Variants in NRG1 observed in about 807,000 individuals in gnomAD.
NRG1 encodes neuregulin 1.
NRG1 carries 18 observed loss-of-function variants against 63.8 expected under a neutral mutation model. The ratio of observed to expected loss-of-function variants is 0.28; its 90% CI spans 0.19 to 0.42. The LOEUF (loss-of-function observed/expected upper bound fraction) is 0.42, where lower values mean the gene tolerates loss of function less well. NRG1 is among the 10% of genes least tolerant of loss of function. The pLI is 1.00. For synonymous variants in NRG1, 302 were observed against 301.3 expected (o/e 1.00, Z -0.02); for missense variants, 762 against 814.7 (o/e 0.94, Z 0.79).
intron 1 of NRG1, among the ~76,000 whole-genome samples, chr8:31,943,443 C>G (rs1474390305): frequency 2.6e-5 from 4 of 152,044 alleles, no homozygotes; most frequent in Admixed American, 6.6e-5. Flanking sequence ...GTACACTGCT[C>G]TGGTGATGGC....
intron 5 of NRG1, among the ~76,000 whole-genome samples, chr8:32,630,687 C>T (rs1204709584): frequency 7.0e-6 from 1 of 142,120 alleles, no homozygotes; most frequent in Non-Finnish European, 1.5e-5. Context: ...GTTAAGTTTT[C>T]TTTTTTCTAT....
chr8:31,934,098 G>T (rs1260469835), intron 1 of NRG1, among the ~76,000 whole-genome samples: 1 of 151,884 alleles, frequency 6.6e-6, no homozygotes, highest in African/African-American at 2.4e-5. Flanking sequence ...TATGTGTGTG[G>T]GTACCTTCAT....
intron 1 of NRG1, among the ~76,000 whole-genome samples, chr8:32,360,942 C>T (rs1807124450): frequency 1.3e-5 from 2 of 152,140 alleles, no homozygotes; most frequent in African/African-American, 4.8e-5. Context: ...CTGCCGTGTA[C>T]ACAAGAACCA....
chr8:32,100,821 G>A (rs1199339624), intron 1 of NRG1, among the ~76,000 whole-genome samples: 4 of 152,254 alleles, frequency 2.6e-5, no homozygotes, highest in South Asian at 2.1e-4. Flanking sequence ...TTGGTTGTTC[G>A]TGATATCTGA....
At chr8:32,711,611 A>G (rs1341778186) in intron 5 of NRG1, among the ~76,000 whole-genome samples, 1 of 152,208 alleles carries the variant, frequency 6.6e-6, no homozygotes, top group Non-Finnish European at 1.5e-5. Context: ...TTGTTGTGCT[A>G]TAAAGAGGAA....
intron 2 of NRG1, among the ~76,000 whole-genome samples, chr8:32,600,720 A>G (rs571745028): frequency 6.6e-6 from 1 of 152,296 alleles, no homozygotes; most frequent in East Asian, 1.9e-4. Flanking sequence ...TGTAATTACT[A>G]TAATAATAGC....
intron 1 of NRG1, among the ~76,000 whole-genome samples, chr8:31,675,390 C>T (rs1359157858): frequency 1.3e-5 from 2 of 152,142 alleles, no homozygotes; most frequent in African/African-American, 4.8e-5. Flanking sequence ...AACATACTGG[C>T]TGCAGTGTCC....
chr8:31,706,560 C>G (rs1003882211), intron 1 of NRG1, among the ~76,000 whole-genome samples: 28 of 151,856 alleles, frequency 1.8e-4, no homozygotes, highest in African/African-American at 6.5e-4. Flanking sequence ...GGATAATTTC[C>G]CAGTATTGGA....
At chr8:31,904,415 T>C (rs140384160) in intron 1 of NRG1, among the ~76,000 whole-genome samples, 1 of 152,314 alleles carries the variant, frequency 6.6e-6, no homozygotes, top group African/African-American at 2.4e-5. Flanking sequence ...AGGCTACAGA[T>C]AAAAGAGCAT....
intron 1 of NRG1, among the ~76,000 whole-genome samples, chr8:32,383,136 G>C (rs963338961): frequency 6.6e-6 from 1 of 152,100 alleles, no homozygotes; most frequent in African/African-American, 2.4e-5. Context: ...TGAGGTGGAA[G>C]GATTCCTTGA....
chr8:32,385,754 C>A (rs1810938735), intron 1 of NRG1, among the ~76,000 whole-genome samples: 1 of 152,098 alleles, frequency 6.6e-6, no homozygotes, highest in African/African-American at 2.4e-5. Flanking sequence ...CTGGGAATTA[C>A]AATAGAACAT....
intron 1 of NRG1, among the ~76,000 whole-genome samples, chr8:32,293,109 T>C (rs183529086): frequency 0.011 from 1,742 of 151,544 alleles, 19 homozygotes; most frequent in Non-Finnish European, 0.019. Context: ...GTCTAAAATA[T>C]AAAATAAAAT....
intron 1 of NRG1, among the ~76,000 whole-genome samples, chr8:32,055,123 C>T (rs1193529531): frequency 1.3e-5 from 2 of 151,812 alleles, no homozygotes; most frequent in East Asian, 1.9e-4. Flanking sequence ...CTCCTGACCT[C>T]AGGTGATCCG....
chr8:31,838,808 A>G lies in NRG1; in HGVS notation c.37+199377A>G, dbSNP rs576861987. Among the ~76,000 whole-genome samples, 26 of 152,220 alleles carry G rather than the reference A, an allele frequency of 1.7e-4. No individual in the cohort carries two copies. The South Asian group carries it at 4.3e-3, about 25-fold the overall frequency. On this transcript the variant is annotated intron_variant, in intron 1 of 10. Coordinates refer to the NRG1 transcript ENST00000519301. ...AAATATTTTAGCAATTGGTTATTTT[A>G]TGTTTTCCAAAGACCTAAATATAAA...
chr8:32,514,114 T>G (rs1829535481), intron 1 of NRG1, among the ~76,000 whole-genome samples: 1 of 152,212 alleles, frequency 6.6e-6, no homozygotes, highest in Non-Finnish European at 1.5e-5. Context: ...TGCCAAGACT[T>G]GTCTGCAAAT....
chr8:32,001,072 A>G (rs1244734828), intron 1 of NRG1, among the ~76,000 whole-genome samples: 1 of 152,040 alleles, frequency 6.6e-6, no homozygotes, highest in Admixed American at 6.6e-5. Context: ...TCCCTCTACC[A>G]TGTTCCCCCT....
intron 3 of NRG1, among the ~76,000 whole-genome samples, chr8:32,609,598 C>CCTTCCTTCCTTT (rs1845978139): frequency 7.5e-6 from 1 of 133,762 alleles, no homozygotes; most frequent in Non-Finnish European, 1.6e-5. Context: ...TTCCTTCCTT[C>CCTTCCTTCCTTT]CTTCCTTCCT....
intron 1 of NRG1, among the ~76,000 whole-genome samples, chr8:31,943,069 A>T (rs1174659954): frequency 1.3e-5 from 2 of 152,088 alleles, no homozygotes; most frequent in Admixed American, 1.3e-4. Context: ...ACTTGCACAT[A>T]TACCTGTATA....
intron 1 of NRG1, among the ~76,000 whole-genome samples, chr8:32,080,234 T>C (rs956723307): frequency 4.6e-5 from 7 of 152,180 alleles, no homozygotes; most frequent in Non-Finnish European, 8.8e-5. Flanking sequence ...TCATATTTTA[T>C]TTTAGGATTC....
Sources: gnomAD v4.1 joint callset for allele counts (sites outside exome capture counted in the v4.1 genomes callset) on GRCh38, gnomAD v4.1.1 for gene constraint, MANE v1.5 for transcripts, NCBI Gene and HGNC (gene_info 2026-07-23, HGNC 2026-07-21) for gene names.